Variants in DRD3 observed in about 807,000 individuals in gnomAD.
DRD3 encodes dopamine receptor D3, also known as D(3) dopamine receptor.
Under a neutral mutation model 36.3 loss-of-function variants are expected in DRD3, and 19 were observed. That is an observed-to-expected ratio of 0.52 (90% CI 0.36 to 0.77). The LOEUF (loss-of-function observed/expected upper bound fraction) is 0.77. Among genes scored for constraint, DRD3 ranks in the 30% least tolerant of loss-of-function variants. DRD3 has a pLI of 0.00. For synonymous variants in DRD3, 195 were observed against 203.7 expected, an observed-to-expected ratio of 0.96 and a Z score of 0.36; for missense variants, 465 against 505.3, an observed-to-expected ratio of 0.92 and a Z score of 0.77.
intron 3 of DRD3, among the ~76,000 whole-genome samples, chr3:114,149,065 A>T (rs897143770): frequency 1.3e-5 from 2 of 152,194 alleles, no homozygotes; most frequent in Admixed American, 1.3e-4. Flanking sequence ...TCCCAACTAT[A>T]CGCCAGGCCT....
intron 5 of DRD3, among the ~76,000 whole-genome samples, chr3:114,131,954 T>C (rs1402877996): frequency 6.6e-6 from 1 of 152,168 alleles, no homozygotes; most frequent in African/African-American, 2.4e-5. Context: ...TTTTACACTG[T>C]TGGTGGGAGT....
At position 114,145,606 on chromosome 3, in the gene DRD3, A is replaced by G. The variant is rs1188431531; in HGVS notation, c.526+1809T>C. 2.6e-5 allele frequency among the ~76,000 whole-genome samples: 4 copies of G among 152,216 alleles called. No individual in the cohort carries two copies. In the East Asian group the frequency reaches 7.7e-4, roughly 29 times the overall value. ...CATATGTTATCCCAATTTAATCCTC[A>G]TTTAATGGCAAAAATCTCTCTGAAG... On this transcript the variant is annotated intron_variant, in intron 4 of 6. Coordinates refer to ENST00000383673, the MANE Select transcript of DRD3 (RefSeq NM_000796.6).
intron 1 of DRD3, among the ~76,000 whole-genome samples, chr3:114,188,846 G>A (rs1434266390): frequency 6.6e-6 from 1 of 152,190 alleles, no homozygotes; most frequent in Non-Finnish European, 1.5e-5. Context: ...ATTTTTGCTA[G>A]CAAGGAAGAC....
At chr3:114,170,193 T>C (rs918260056) in intron 2 of DRD3, among the ~76,000 whole-genome samples, 1 of 152,156 alleles carries the variant, frequency 6.6e-6, no homozygotes, top group Admixed American at 6.5e-5. Context: ...AAATAACAAA[T>C]AGCTCGTCCC....
chr3:114,164,464 A>G (rs2077764026), intron 2 of DRD3, among the ~76,000 whole-genome samples: 1 of 152,072 alleles, frequency 6.6e-6, no homozygotes, highest in African/African-American at 2.4e-5. Flanking sequence ...TTCAATAGAC[A>G]CAGCCTAGGG....
chr3:114,195,303 C>T (rs1335952939), intron 1 of DRD3, among the ~76,000 whole-genome samples: 8 of 152,234 alleles, frequency 5.3e-5, no homozygotes, highest in African/African-American at 9.6e-5. Flanking sequence ...TTAAAAGAAT[C>T]TCCATAAAAT....
chr3:114,165,060 T>C (rs1449454297), intron 2 of DRD3, among the ~76,000 whole-genome samples: 1 of 152,264 alleles, frequency 6.6e-6, no homozygotes. Flanking sequence ...CAGAAGAATG[T>C]TTTTAAAGCA....
At chr3:114,174,768 C>A (rs2077881815) in intron 1 of DRD3, among the ~76,000 whole-genome samples, 1 of 148,364 alleles carries the variant, frequency 6.7e-6, no homozygotes, top group African/African-American at 2.5e-5. Context: ...TTTTTTCAAA[C>A]CAGAGTTGCT....
chr3:114,139,944 A>G (rs560675714), intron 4 of DRD3, among the ~76,000 whole-genome samples: 159 of 152,332 alleles, frequency 1.0e-3, no homozygotes, highest in African/African-American at 3.3e-3. Flanking sequence ...CTGGGGCTAC[A>G]AAGATGAATG....
upstream of DRD3, chr3:114,179,115 G>C (rs1453575735): frequency 1.3e-5 from 2 of 152,062 alleles, no homozygotes; most frequent in African/African-American, 4.8e-5. Flanking sequence ...TTTAATCTTA[G>C]TTTTTCCACT....
chr3:114,167,151 T>A (rs190501793), intron 2 of DRD3, among the ~76,000 whole-genome samples: 14 of 152,344 alleles, frequency 9.2e-5, no homozygotes, highest in African/African-American at 3.4e-4. Context: ...TTGCCTGAAC[T>A]CATCCTATTC....
rs533923740 is a variant in DRD3 at position 114,163,917 on chromosome 3, G to A, written c.271-4050C>T. 1.1e-3 allele frequency among the ~76,000 whole-genome samples: 174 copies of A among 152,008 alleles called. 1 individual carries two copies. Among genetic ancestry groups the A allele is most frequent in the Non-Finnish European group, 2.1e-3 (145 of 67,982 alleles). ...GATTATGAAAGGCAAAATGATTTTT[G>A]AAATTAAAACAGATAAAAGTGAAAA... On this transcript the variant is annotated intron_variant, in intron 2 of 6. Coordinates refer to ENST00000383673, the MANE Select transcript of DRD3 (RefSeq NM_000796.6).
intron 1 of DRD3, among the ~76,000 whole-genome samples, chr3:114,196,462 A>C (rs2078036138): frequency 6.6e-6 from 1 of 152,106 alleles, no homozygotes; most frequent in African/African-American, 2.4e-5. Context: ...CCACATGCTC[A>C]CATCACCATG....
chr3:114,183,679 C>T (rs975143120), upstream of DRD3, among the ~76,000 whole-genome samples: 1 of 151,518 alleles, frequency 6.6e-6, no homozygotes, highest in African/African-American at 2.4e-5. Flanking sequence ...TATATAATAC[C>T]CTTTTTTATT....
At chr3:114,164,570 A>G (rs1172267587) in intron 2 of DRD3, among the ~76,000 whole-genome samples, 1 of 152,138 alleles carries the variant, frequency 6.6e-6, no homozygotes, top group African/African-American at 2.4e-5. Flanking sequence ...GCTCAGAGTA[A>G]TAAGTCCCTC....
chr3:114,144,116 C>T (rs528535857), intron 4 of DRD3, among the ~76,000 whole-genome samples: 2 of 152,300 alleles, frequency 1.3e-5, no homozygotes, highest in Non-Finnish European at 2.9e-5. Context: ...CAGCCAGGCC[C>T]CTGCCTCGGA....
chr3:114,166,354 T>C (rs2077784735), intron 2 of DRD3, among the ~76,000 whole-genome samples: 1 of 152,158 alleles, frequency 6.6e-6, no homozygotes, highest in South Asian at 2.1e-4. Context: ...CCAAAAGGCA[T>C]GTGTTGGAAA....
intron 5 of DRD3, among the ~76,000 whole-genome samples, chr3:114,137,354 G>A (rs2077483504): frequency 6.6e-6 from 1 of 152,186 alleles, no homozygotes; most frequent in Non-Finnish European, 1.5e-5. Flanking sequence ...AGTTAGTTGT[G>A]GGTCTAGCCA....
chr3:114,153,451 C>T (rs1449745018), intron 3 of DRD3, among the ~76,000 whole-genome samples: 2 of 152,128 alleles, frequency 1.3e-5, no homozygotes, highest in South Asian at 2.1e-4. Context: ...GTTTATTTAT[C>T]CACCAAAAAT....
Sources: gnomAD v4.1 joint callset for allele counts (sites outside exome capture counted in the v4.1 genomes callset) on GRCh38, gnomAD v4.1.1 for gene constraint, MANE v1.5 for transcripts, NCBI Gene and HGNC (gene_info 2026-07-23, HGNC 2026-07-21) for gene names.